KAT6B: variants seen among roughly 807,000 people sequenced by gnomAD.
KAT6B encodes the protein lysine acetyltransferase 6B, also known as histone acetyltransferase KAT6B.
Under a neutral mutation model 187.5 loss-of-function variants are expected in KAT6B, and 10 were observed. The observed-to-expected ratio is 0.05, with a 90% CI of 0.03 to 0.09. KAT6B has a LOEUF of 0.09. Ranked by LOEUF, KAT6B falls within the 10% of genes least tolerant of loss-of-function variation. The probability of loss-of-function intolerance (pLI) is 1.00; values close to 1 mark genes in which losing one functional copy is unlikely to be tolerated. For synonymous variants in KAT6B, 861 were observed against 926.8 expected (o/e 0.93, Z 1.29); for missense variants, 1,952 against 2,558.9 (o/e 0.76, Z 5.12).
At chr10:75,017,559 A>G (rs539200854) in intron 13 of KAT6B, among the ~76,000 whole-genome samples, 1 of 152,308 alleles carries the variant, frequency 6.6e-6, no homozygotes, top group African/African-American at 2.4e-5. Context: ...GGTTGCATCG[A>G]GCCCATATCG....
chr10:74,870,292 C>T (rs1223327504), intron 3 of KAT6B, among the ~76,000 whole-genome samples: 3 of 151,968 alleles, frequency 2.0e-5, no homozygotes, highest in Non-Finnish European at 4.4e-5. Context: ...GACTCTGTCT[C>T]AAAAGACAAA....
At chr10:74,937,458 C>G (rs901692330) in intron 3 of KAT6B, among the ~76,000 whole-genome samples, 1 of 152,162 alleles carries the variant, frequency 6.6e-6, no homozygotes, top group Non-Finnish European at 1.5e-5. Flanking sequence ...TGACCTTGAC[C>G]TAAACTGATA....
chr10:74,842,577 T>A, intron 2 of KAT6B, 23 bp from the exon 3 acceptor site: 1 of 584,878 alleles, frequency 1.7e-6, no homozygotes, highest in Admixed American at 3.2e-5. Flanking sequence ...TTAAGAGACT[T>A]TCCCCTCTTT....
chr10:74,966,674 AAAAC>A (rs1841495239), intron 4 of KAT6B, among the ~76,000 whole-genome samples: 1 of 152,346 alleles, frequency 6.6e-6, no homozygotes, highest in Admixed American at 6.5e-5. Context: ...ATACAATAGT[AAAAC>A]AAACTCCAGA....
chr10:74,929,794 A>G (rs375383544), intron 3 of KAT6B, among the ~76,000 whole-genome samples: 1 of 152,240 alleles, frequency 6.6e-6, no homozygotes, highest in East Asian at 1.9e-4. Context: ...GAAAGTGAGC[A>G]CAAGTAGGTG....
At chr10:74,905,523 T>A (rs1183508416) in intron 3 of KAT6B, among the ~76,000 whole-genome samples, 1 of 152,200 alleles carries the variant, frequency 6.6e-6, no homozygotes, top group Non-Finnish European at 1.5e-5. Context: ...GGTGGTGGCC[T>A]GCAGGTTAAA....
intron 13 of KAT6B, among the ~76,000 whole-genome samples, chr10:75,000,546 C>A (rs532514831): frequency 2.0e-5 from 3 of 152,202 alleles, no homozygotes; most frequent in African/African-American, 7.2e-5. Context: ...TAAAGGACAG[C>A]TGGATCCAAG....
intron 3 of KAT6B, among the ~76,000 whole-genome samples, chr10:74,895,939 T>G (rs971030121): frequency 3.3e-5 from 5 of 152,110 alleles, no homozygotes; most frequent in Admixed American, 1.3e-4. Flanking sequence ...ACACTGCTTT[T>G]TTGTTGTTGT....
At chr10:74,846,790 C>T (rs1842136987) in intron 3 of KAT6B, among the ~76,000 whole-genome samples, 1 of 152,134 alleles carries the variant, frequency 6.6e-6, no homozygotes, top group African/African-American at 2.4e-5. Flanking sequence ...CCTTAAGGGA[C>T]TATAGAGCCA....
At chr10:74,841,344 T>G (rs1841729513) in intron 2 of KAT6B, among the ~76,000 whole-genome samples, 2 of 152,196 alleles carry the variant, frequency 1.3e-5, no homozygotes, top group South Asian at 2.1e-4. Context: ...GAGGCCGAGG[T>G]GGGCTGAGGT....
chr10:74,850,349 G>A (rs1428659760), intron 3 of KAT6B, among the ~76,000 whole-genome samples: 1 of 152,126 alleles, frequency 6.6e-6, no homozygotes, highest in Non-Finnish European at 1.5e-5. Context: ...TATAATATTA[G>A]CAATATGGAA....
At chr10:74,972,758 G>A in intron 7 of KAT6B, 119 bp downstream of exon 7, 1 of 946,576 alleles carries the variant, frequency 1.1e-6, no homozygotes, top group Non-Finnish European at 1.7e-6. Flanking sequence ...CTCAAGGGTT[G>A]AAAAATACTT....
intron 3 of KAT6B, among the ~76,000 whole-genome samples, chr10:74,947,051 G>A (rs1191369630): frequency 6.6e-6 from 1 of 152,120 alleles, no homozygotes; most frequent in East Asian, 1.9e-4. Flanking sequence ...CCAGGCTGGA[G>A]TTCAGTGGCA....
chr10:74,976,048 A>G lies in KAT6B; in HGVS notation c.1711A>G (p.Met571Val). Residue 571 changes from methionine to valine, a missense_variant, in exon 8 of 18, where the codon ATG (methionine) becomes GTG (valine). By Grantham distance (21) the Met-to-Val change is conservative. Transcript: ENST00000287239. Reference protein sequence around the residue: ...GHPSYAPPKRMRRKTELSSTA... With the variant: ...GHPSYAPPKRVRRKTELSSTA... ...CCCGAGTTATGCACCACCCAAACGT[A>G]TGCGTCGTAAAACTGAATTATCTTC... 1 of 1,614,180 alleles carries G rather than the reference A, an allele frequency of 6.2e-7. No homozygotes were observed. The highest frequency in any genetic ancestry group is 8.5e-7 in the Non-Finnish European group (1 of 1,180,046).
Position 75,030,874 on chromosome 10 carries a change from C to A in KAT6B, c.6050C>A (p.Pro2017His), listed in dbSNP as rs1246059849. The part of the protein sequence containing the change: ...HSNHGYMNQT[P>H]QYPMQMQMGM... The stretch of plus-strand genomic sequence containing the variant: ...AATCATGGCTATATGAATCAAACGC[C>A]CCAATACCCTATGCAGATGCAGATG... Residue 2017 changes from proline to histidine, a missense_variant, in exon 18 of 18, where the codon CCC becomes CAC. By Grantham distance (77) the Pro-to-His change is moderately conservative (BLOSUM62 -2). Transcript: ENST00000287239. The surrounding 1 kb of genome is among the most constrained non-coding windows in gnomAD (Gnocchi z 4.8). 6.2e-7 allele frequency: 1 copy of A among 1,614,158 alleles called. No individual in the cohort carries two copies. The highest frequency in any genetic ancestry group is 1.6e-4 in the Middle Eastern group (1 of 6,062).
intron 3 of KAT6B, among the ~76,000 whole-genome samples, chr10:74,951,324 G>T (rs1840305965): frequency 6.6e-6 from 1 of 151,776 alleles, no homozygotes. Flanking sequence ...TAGAGACGGG[G>T]TTTCACCATG....
chr10:74,960,179 TATATG>T, intron 4 of KAT6B, 101 bp downstream of exon 4: 1 of 836,942 alleles, frequency 1.2e-6, no homozygotes, highest in Non-Finnish European at 2.1e-6. Context: ...TTAAGGCAGT[TATATG>T]GTAATAGCAT....
intron 3 of KAT6B, among the ~76,000 whole-genome samples, chr10:74,947,728 AC>A (rs1840051631): frequency 6.6e-6 from 1 of 152,160 alleles, no homozygotes; most frequent in Non-Finnish European, 1.5e-5. Context: ...TCTACTGTTT[AC>A]CCTAGTAAAG....
At chr10:74,964,973 T>G (rs543738410) in intron 4 of KAT6B, among the ~76,000 whole-genome samples, 4 of 152,220 alleles carry the variant, frequency 2.6e-5, no homozygotes, top group African/African-American at 9.6e-5. Context: ...CAATCTAGGC[T>G]TCACCCTTTT....
Sources: gnomAD v4.1 joint callset for allele counts (sites outside exome capture counted in the v4.1 genomes callset) on GRCh38, gnomAD v4.1.1 for gene constraint, Gnocchi (gnomAD v3.1) non-coding constraint, MANE v1.5 for transcripts, NCBI Gene and HGNC (gene_info 2026-07-23, HGNC 2026-07-21) for gene names.